COX18: variants seen among roughly 807,000 people sequenced by gnomAD.
The protein encoded by COX18 is cytochrome c oxidase assembly factor COX18, also known as cytochrome c oxidase assembly protein COX18, mitochondrial.
A neutral mutation model predicts 38.0 loss-of-function variants in COX18; 45 were observed. The ratio of observed to expected loss-of-function variants is 1.18; its 90% CI spans 0.93 to 1.52. The LOEUF (loss-of-function observed/expected upper bound fraction) is 1.52. Among genes scored for constraint, COX18 ranks in the 40% most tolerant of loss-of-function variants. The probability of loss-of-function intolerance (pLI) is 0.00; values close to 1 mark genes in which losing one functional copy is unlikely to be tolerated. For synonymous variants in COX18, 177 were observed against 169.8 expected (o/e 1.04, Z -0.33); for missense variants, 462 against 423.8 (o/e 1.09, Z -0.79).
intron 2 of COX18, among the ~76,000 whole-genome samples, 165 bp downstream of exon 2, chr4:73,067,864 A>AAAAAAATAAATATATAT: frequency 5.0e-5 from 1 of 20,010 alleles, no homozygotes; most frequent in Non-Finnish European, 1.6e-4. Context: ...AAAAAAAAAA[A>AAAAAAATAAATATATAT]ATATATATAT....
rs1325947454 is a variant in COX18 at position 73,056,771 on chromosome 4, T to C, written c.*1343A>G. ...TTCTGAAGAGAAAACCATACATATA[T>C]AGCCTTTTTTCAGATGCTCAAAGAG... On this transcript the variant is annotated 3_prime_UTR_variant, in exon 6 of 6. Transcript: ENST00000507544. 2 of 152,212 alleles carry C rather than the reference T, an allele frequency of 1.3e-5. No homozygotes were observed. The allele number at this position is 152,212 out of a possible 1,614,324, so 9.4% of individuals were successfully genotyped here.
chr4:73,065,145 A>G (rs565485600), intron 3 of COX18, 105 bp downstream of exon 3: 1 of 1,139,460 alleles, frequency 8.8e-7, no homozygotes, highest in Admixed American at 2.5e-5. Flanking sequence ...GGAAGATAGT[A>G]AACATATCGT....
intron 5 of COX18, among the ~76,000 whole-genome samples, chr4:73,059,833 G>C (rs528226050): frequency 6.6e-6 from 1 of 151,978 alleles, no homozygotes; most frequent in Admixed American, 6.6e-5. Flanking sequence ...CAGTCTATAA[G>C]TTGCCAGCTA....
rs116998260 is a variant in COX18 at position 73,068,777 on chromosome 4, G to C, written c.333+540C>G. 4.1e-3 allele frequency: 636 copies of C among 153,302 alleles called. 9 individuals are homozygous for C. Among genetic ancestry groups the C allele is most frequent in the East Asian group, 0.035 (184 of 5,188 alleles). The allele number at this position is 153,302 out of a possible 1,614,324, so 9.5% of individuals were successfully genotyped here. A position where few individuals can be genotyped will look rare whatever the true frequency, so the allele number is the denominator to read the frequency against. ...GAAGTAGGCAAGGAAGGTACTGCTA[G>C]CCTGATTCCTCAGAAAAAAGGATTC... On this transcript the variant is annotated intron_variant, in intron 1 of 5. Coordinates refer to ENST00000507544, the MANE Select transcript of COX18 (RefSeq NM_001297732.2).
intron 1 of COX18, among the ~76,000 whole-genome samples, chr4:73,068,361 A>C (rs1387065958): frequency 6.6e-6 from 1 of 152,152 alleles, no homozygotes; most frequent in Admixed American, 6.5e-5. Context: ...AACCTCTAAA[A>C]TCATGTTCCC....
chr4:73,060,206 T>C (rs1032863598), intron 5 of COX18, among the ~76,000 whole-genome samples: 3 of 152,190 alleles, frequency 2.0e-5, no homozygotes, highest in Non-Finnish European at 2.9e-5. Context: ...TTTCCTATAA[T>C]TGACAGGATA....
At position 73,061,683 on chromosome 4, in the gene COX18, G is replaced by T. The variant is rs982903084; in HGVS notation, c.831+130C>A. Reference sequence around the variant, plus strand: ...AGATCGCGCCACTGCACTCCAGCCTGGGTGACAGAGCGAGACTCCGTCTCA... The same window carrying T: ...AGATCGCGCCACTGCACTCCAGCCTTGGTGACAGAGCGAGACTCCGTCTCA... On this transcript the variant is annotated intron_variant, in intron 5 of 5. Coordinates refer to ENST00000507544, the MANE Select transcript of COX18 (RefSeq NM_001297732.2). 7.6e-5 allele frequency: 46 copies of T among 602,098 alleles called. No homozygotes were observed. In the African/African-American group the frequency reaches 8.6e-4, roughly 11 times the overall value. 37.3% of individuals were successfully genotyped at this position (602,098 alleles called of 1,614,324 possible). A position where few individuals can be genotyped will look rare whatever the true frequency, so the allele number is the denominator to read the frequency against.
In COX18 at chr4:73,061,831, A is replaced by C. The variant is rs765449751; in HGVS notation, c.813T>G (p.Ile271Met). 3.1e-6 allele frequency: 5 copies of C among 1,610,348 alleles called. No individual in the cohort carries two copies. The highest frequency in any genetic ancestry group is 4.2e-6 in the Non-Finnish European group (5 of 1,176,630). ...VRAMSVLMIP[I>M]AATVPSSIVL... ...TACTCACTGAGGGTACCGTTGCAGC[A>C]ATTGGTATCATCAACACCGACATTG... Residue 271 changes from isoleucine to methionine, a missense_variant, in exon 5 of 6, where the codon ATT (isoleucine) becomes ATG (methionine). Transcript: ENST00000507544.
intron 2 of COX18, among the ~76,000 whole-genome samples, chr4:73,067,715 C>T: frequency 6.7e-6 from 1 of 149,930 alleles, no homozygotes; most frequent in Non-Finnish European, 1.5e-5. Context: ...TGGTGCCTAC[C>T]TGTTAATCCC....
intron 5 of COX18, 65 bp downstream of exon 5, chr4:73,061,748 G>A (rs1720169859): frequency 9.1e-6 from 7 of 769,156 alleles, no homozygotes; most frequent in Admixed American, 2.4e-5. Context: ...CAGGATCCCA[G>A]CCAGTCTAAG....
chr4:73,062,876 A>T (rs904291669), intron 4 of COX18, among the ~76,000 whole-genome samples: 11 of 151,852 alleles, frequency 7.2e-5, no homozygotes, highest in African/African-American at 2.2e-4. Flanking sequence ...AGACTTCTCC[A>T]TAATTATGAC....
At chr4:73,061,946 A>G in intron 4 of COX18, 26 bp from the exon 5 acceptor site, 4 of 1,176,316 alleles carry the variant, frequency 3.4e-6, no homozygotes, top group Middle Eastern at 1.9e-4. Context: ...ATATACATGC[A>G]TAATGATTAT....
At chr4:73,063,445 C>G (rs935713419) in intron 4 of COX18, among the ~76,000 whole-genome samples, 4 of 152,216 alleles carry the variant, frequency 2.6e-5, no homozygotes, top group African/African-American at 9.6e-5. Flanking sequence ...GGCTAGAGTA[C>G]AGTGGTGGGA....
At chr4:73,065,183 T>G (rs984088234) in intron 3 of COX18, 67 bp downstream of exon 3, 21 of 1,191,468 alleles carry the variant, frequency 1.8e-5, no homozygotes, top group South Asian at 7.0e-5. Flanking sequence ...TTTTTTTTTT[T>G]TTTTTTTTTT....
At chr4:73,059,907 T>TA (rs879908077) in intron 5 of COX18, among the ~76,000 whole-genome samples, 45 of 144,030 alleles carry the variant, frequency 3.1e-4, no homozygotes, top group East Asian at 6.0e-4. Context: ...GGCTGTCATC[T>TA]AAAAAAAAAA....
rs531962684 is a variant in COX18, at chr4:73,057,244, T to C, written c.*870A>G. 3 of 152,210 alleles carry C rather than the reference T, an allele frequency of 2.0e-5. No homozygotes were observed. Among genetic ancestry groups the C allele is most frequent in the African/African-American group, 7.2e-5 (3 of 41,524 alleles). 9.4% of individuals were successfully genotyped at this position (152,210 alleles called of 1,614,324 possible). On this transcript the variant is annotated 3_prime_UTR_variant, in exon 6 of 6. Coordinates refer to ENST00000507544, the MANE Select transcript of COX18 (RefSeq NM_001297732.2). Reference sequence around the variant, plus strand: ...CAGTTCCAGACCAGCCTGTCCAACATGGTGAAACCCCATCTCTACTAAAAA... The same window carrying C: ...CAGTTCCAGACCAGCCTGTCCAACACGGTGAAACCCCATCTCTACTAAAAA...
rs1370603208 is a variant in COX18, at chr4:73,065,332, C to T, written c.516G>A (p.Val172=). The part of the protein sequence containing the change: ...RDNCHPFKAT[V]LVWIQLPMWI... Reference sequence around the variant, plus strand: ...ACATTGGAAGCTGAATCCAAACCAACACAGTGGCTTTGAAAGGGTGGCAGT... The same window carrying T: ...ACATTGGAAGCTGAATCCAAACCAATACAGTGGCTTTGAAAGGGTGGCAGT... Residue 172 remains valine (V), a synonymous_variant, in exon 3 of 6, where the codon GTG becomes GTA. Transcript: ENST00000507544. 1.2e-6 allele frequency: 2 copies of T among 1,613,848 alleles called. No individual in the cohort carries two copies. Among genetic ancestry groups the T allele is most frequent in the African/African-American group, 2.7e-5 (2 of 74,854 alleles).
Position 73,053,631 on chromosome 4 carries a change from T to C in COX18, c.*4483A>G, listed in dbSNP as rs1198765502. 1 of 152,230 alleles carries C rather than the reference T, an allele frequency of 6.6e-6. No individual in the cohort carries two copies. Among genetic ancestry groups the C allele is most frequent in the Non-Finnish European group, 1.5e-5 (1 of 68,058 alleles). 9.4% of individuals were successfully genotyped at this position (152,230 alleles called of 1,614,324 possible). ...GACGGGTAAATGGGTGGTTCTTAGA[T>C]GAAGATATGGTCTTTAGCTCTTAAG... On this transcript the variant is annotated 3_prime_UTR_variant, in exon 6 of 6. Coordinates refer to ENST00000507544, the MANE Select transcript of COX18 (RefSeq NM_001297732.2).
At position 73,069,383 on chromosome 4, in the gene COX18, G is replaced by A. The variant is rs1372351582; in HGVS notation, c.267C>T (p.Ser89=). 6.4e-7 allele frequency: 1 copy of A among 1,562,032 alleles called. No homozygotes were observed. Among genetic ancestry groups the A allele is most frequent in the Non-Finnish European group, 8.7e-7 (1 of 1,154,098 alleles). The part of the protein sequence containing the change: ...GLPWWGSILL[S]TVALRGAVTL... Reference sequence around the variant, plus strand: ...TGACAGCACCCCGTAAGGCCACGGTGGAGAGCAGAATGCTGCCCCACCAGG... The same window carrying A: ...TGACAGCACCCCGTAAGGCCACGGTAGAGAGCAGAATGCTGCCCCACCAGG... The change falls in exon 1 of 6, where the codon TCC becomes TCT. Residue 89 remains serine (S), a synonymous_variant. Transcript: ENST00000507544.
Sources: allele counts gnomAD v4.1 joint callset (sites outside exome capture counted in the v4.1 genomes callset), GRCh38; gene constraint gnomAD v4.1.1; transcripts MANE v1.5; gene names NCBI Gene and HGNC (gene_info 2026-07-23, HGNC 2026-07-21).